UGT2B17: variants seen among roughly 807,000 people sequenced by gnomAD.
UGT2B17 encodes the protein UDP glucuronosyltransferase family 2 member B17, also known as UDP-glucuronosyltransferase 2B17.
UGT2B17 carries 21 observed loss-of-function variants against 48.2 expected under a neutral mutation model. The observed-to-expected ratio is 0.44, with a 90% confidence interval of 0.31 to 0.63. The LOEUF (loss-of-function observed/expected upper bound fraction) is 0.63, where lower values mean the gene tolerates loss of function less well. UGT2B17 is among the 20% of genes least tolerant of loss of function. The pLI is 0.08. For missense variants in UGT2B17, 402 were observed against 696.1 expected, an observed-to-expected ratio of 0.58 and a Z score of 4.75; for synonymous variants, 146 against 238.4, an observed-to-expected ratio of 0.61 and a Z score of 3.57.
chr4:68,544,678 C>T (rs147808572), intron 6 of UGT2B17, among the ~76,000 whole-genome samples: 1 of 125,460 alleles, frequency 8.0e-6, no homozygotes, highest in African/African-American at 2.7e-5. Context: ...AGACCCATCA[C>T]TGTGCTGTAT....
Position 68,541,892 on chromosome 4 carries a change from TA to T in UGT2B17, c.1314-3989del, listed in dbSNP as rs1168082278. On this transcript the variant is annotated intron_variant, in intron 6 of 6. Transcript: ENST00000317746. ...AGCCAGTTTCCCCAGCACCATTTAT[TA>T]AATAGGGAATCCTTTCCCATTGCTT... Among the ~76,000 whole-genome samples, 2 of 126,938 alleles carry T rather than the reference TA, an allele frequency of 1.6e-5. 1 individual carries two copies. The highest frequency in any genetic ancestry group is 5.4e-5 in the African/African-American group (2 of 37,116). The allele number at this position is 126,938 out of a possible 152,430, so 83.3% of individuals were successfully genotyped here. A position where few individuals can be genotyped will look rare whatever the true frequency, so the allele number is the denominator to read the frequency against.
chr4:68,546,239 G>T lies in UGT2B17; in HGVS notation c.1313+4438C>A. On this transcript the variant is annotated intron_variant, in intron 6 of 6. Coordinates refer to ENST00000317746, the MANE Select transcript of UGT2B17 (RefSeq NM_001077.4). ...AAGCTTATCCACCTTGACCAAGTGGGCTTCATCCCTGGGATGCAAGGCTAG... is the reference window on the plus strand; with the variant it reads ...AAGCTTATCCACCTTGACCAAGTGGTCTTCATCCCTGGGATGCAAGGCTAG... Among the ~76,000 whole-genome samples, 2 of 125,830 alleles carry T rather than the reference G, an allele frequency of 1.6e-5. 1 individual carries two copies. The highest frequency in any genetic ancestry group is 1.6e-4 in the Admixed American group (2 of 12,298). 82.5% of individuals were successfully genotyped at this position (125,830 alleles called of 152,430 possible).
chr4:68,575,188 C>CTT (rs559097531), intron 1 of UGT2B17, among the ~76,000 whole-genome samples: 2,656 of 81,856 alleles, frequency 0.032, 380 homozygotes, highest in African/African-American at 0.11. Context: ...TATAGATGGC[C>CTT]TTTTTTTTTT....
rs1287400747 is a variant in UGT2B17 at position 68,567,843 on chromosome 4, AT to A, written c.641del (p.Asn214IlefsTer2). 7.3e-7 allele frequency: 1 copy of A among 1,375,646 alleles called. No individual in the cohort carries two copies. Among genetic ancestry groups the A allele is most frequent in the Non-Finnish European group, 9.5e-7 (1 of 1,053,476 alleles). The allele number at this position is 1,375,646 out of a possible 1,614,324, so 85.2% of individuals were successfully genotyped here. A position where few individuals can be genotyped will look rare whatever the true frequency, so the allele number is the denominator to read the frequency against. Reference protein sequence around the residue: ...DQMIFMERIKNMIYMLYFDFW... With the variant: ...DQMIFMERIKXMIYMLYFDFW... ...AGTCAAAATAAAGCATATATATCAT[AT>A]TTTTTATCCTCTCCATGAAAATCAT... On this transcript the variant is annotated frameshift_variant, in exon 2 of 7. Coordinates refer to ENST00000317746, the MANE Select transcript of UGT2B17 (RefSeq NM_001077.4). LOFTEE classifies it high-confidence loss of function.
In UGT2B17 at chr4:68,540,083, G is replaced by C. The variant is rs1214264931; in HGVS notation, c.1314-2179C>G. Reference sequence around the variant, plus strand: ...TTACAGGTGTGAGCCACCACACCCAGTCTCCATAAACTCTTTTAAAAATGT... The same window carrying C: ...TTACAGGTGTGAGCCACCACACCCACTCTCCATAAACTCTTTTAAAAATGT... On this transcript the variant is annotated intron_variant, in intron 6 of 6. Coordinates refer to ENST00000317746, the MANE Select transcript of UGT2B17 (RefSeq NM_001077.4). Among the ~76,000 whole-genome samples the C allele has an allele frequency of 7.3e-5, 9 of 123,804 alleles. 3 individuals carry two copies. Among genetic ancestry groups the C allele is most frequent in the African/African-American group, 1.9e-4 (7 of 36,210 alleles). The allele number at this position is 123,804 out of a possible 152,430, so 81.2% of individuals were successfully genotyped here. A position where few individuals can be genotyped will look rare whatever the true frequency, so the allele number is the denominator to read the frequency against.
In UGT2B17 at chr4:68,573,897, G is replaced by A. The variant is rs542099287; in HGVS notation, c.-65+2054C>T. ...GAGAGACAGAAGCTGGATGGCCCTTGGGGGCTGACTGGCAGGGACTTCAGG... is the reference window on the plus strand; with the variant it reads ...GAGAGACAGAAGCTGGATGGCCCTTAGGGGCTGACTGGCAGGGACTTCAGG... On this transcript the variant is annotated intron_variant, in intron 1 of 6. Coordinates refer to ENST00000317746, the MANE Select transcript of UGT2B17 (RefSeq NM_001077.4). 1.8e-3 allele frequency among the ~76,000 whole-genome samples: 223 copies of A among 126,574 alleles called. 50 individuals carry two copies. Among genetic ancestry groups the A allele is most frequent in the African/African-American group, 5.7e-3 (209 of 36,922 alleles). The allele number at this position is 126,574 out of a possible 152,430, so 83.0% of individuals were successfully genotyped here.
At chr4:68,575,343 G>T (rs1386949988) in intron 1 of UGT2B17, among the ~76,000 whole-genome samples, 2 of 122,876 alleles carry the variant, frequency 1.6e-5, no homozygotes, top group Admixed American at 1.7e-4. Context: ...TTGGCTTACA[G>T]GTTACCTTGT....
chr4:68,541,092 G>C (rs1730647115), intron 6 of UGT2B17, among the ~76,000 whole-genome samples: 1 of 125,908 alleles, frequency 7.9e-6, no homozygotes, highest in Non-Finnish European at 1.7e-5. Flanking sequence ...ATTGTAGATA[G>C]TGCTGCAATA....
rs878896244 is a variant in UGT2B17 at position 68,557,488 on chromosome 4, T to A, written c.1005+3049A>T. 6.4e-5 allele frequency among the ~76,000 whole-genome samples: 8 copies of A among 124,752 alleles called. 1 individual carries two copies. The highest frequency in any genetic ancestry group is 1.2e-4 in the Non-Finnish European group (7 of 59,024). The allele number at this position is 124,752 out of a possible 152,430, so 81.8% of individuals were successfully genotyped here. The stretch of plus-strand genomic sequence containing the variant: ...TAATAGAAAACTAAAGTAATCTTTT[T>A]GACTTTGCTTAAAACATTGCTGATC... On this transcript the variant is annotated intron_variant, in intron 4 of 6. Coordinates refer to ENST00000317746, the MANE Select transcript of UGT2B17 (RefSeq NM_001077.4).
intron 3 of UGT2B17, among the ~76,000 whole-genome samples, chr4:68,564,992 G>A (rs749831976): frequency 7.9e-6 from 1 of 126,072 alleles, no homozygotes; most frequent in Non-Finnish European, 1.7e-5. Flanking sequence ...ATAGGTGTGA[G>A]CCACCTTGCC....
At position 68,544,307 on chromosome 4, in the gene UGT2B17, C is replaced by T. The variant is rs1314241374; in HGVS notation, c.1313+6370G>A. Among the ~76,000 whole-genome samples the T allele has an allele frequency of 2.3e-4, 29 of 126,034 alleles. 8 individuals carry two copies. Among genetic ancestry groups the T allele is most frequent in the Admixed American group, 2.2e-3 (27 of 12,356 alleles). 82.7% of individuals were successfully genotyped at this position (126,034 alleles called of 152,430 possible). On this transcript the variant is annotated intron_variant, in intron 6 of 6. Transcript: ENST00000317746. ...ATTCTTAAAGAAAAGAATCTTCAACCCAGAATTTCATATCCAGCCAAACTA... is the reference window on the plus strand; with the variant it reads ...ATTCTTAAAGAAAAGAATCTTCAACTCAGAATTTCATATCCAGCCAAACTA...
In UGT2B17 at chr4:68,545,571, A is replaced by G. The variant is rs1321642687; in HGVS notation, c.1313+5106T>C. 1.0e-4 allele frequency among the ~76,000 whole-genome samples: 13 copies of G among 125,612 alleles called. 2 individuals are homozygous for G. The highest frequency in any genetic ancestry group is 3.3e-4 in the African/African-American group (12 of 36,648). The allele number at this position is 125,612 out of a possible 152,430, so 82.4% of individuals were successfully genotyped here. ...CTAGCAGAAGGCAAGAAATAACTAA[A>G]ATCAGAGCAGAACTGAAGGAAATAG... On this transcript the variant is annotated intron_variant, in intron 6 of 6. Coordinates refer to ENST00000317746, the MANE Select transcript of UGT2B17 (RefSeq NM_001077.4).
intron 1 of UGT2B17, among the ~76,000 whole-genome samples, chr4:68,574,417 A>T (rs1262968333): frequency 1.6e-5 from 2 of 126,882 alleles, no homozygotes; most frequent in African/African-American, 5.4e-5. Context: ...AAGATTTTAT[A>T]GACTCTGTTT....
At chr4:68,570,276 G>A (rs1461170970) in intron 1 of UGT2B17, among the ~76,000 whole-genome samples, 1 of 127,360 alleles carries the variant, frequency 7.9e-6, no homozygotes, top group Non-Finnish European at 1.7e-5. Flanking sequence ...GTGGGTATGT[G>A]ACAGGTGCTG....
chr4:68,550,818 A>C lies in UGT2B17; in HGVS notation c.1172T>G (p.Met391Arg). 7.2e-7 allele frequency: 1 copy of C among 1,385,060 alleles called. No homozygotes were observed. Among genetic ancestry groups the C allele is most frequent in the Non-Finnish European group, 9.4e-7 (1 of 1,060,734 alleles). 85.8% of individuals were successfully genotyped at this position (1,385,060 alleles called of 1,614,324 possible). ...ATCCGCAAACAAGGGAATGCCCACC[A>C]TAGGGATCCCATGGTAGATTGCCTC... ...IYEAIYHGIP[M>R]VGIPLFADQH... The change falls in exon 6 of 7, where the codon ATG becomes AGG. Residue 391 changes from methionine to arginine, a missense_variant. Physicochemically the swap from Met to Arg is moderately conservative, Grantham distance 91. Around this residue, in one of 5 missense-constraint regions of UGT2B17, gnomAD observed 156 missense variants for 258.6 expected, o/e 0.60. Transcript: ENST00000317746.
rs374496520 is a variant in UGT2B17 at position 68,537,784 on chromosome 4, C to T, written c.1434G>A (p.Arg478=). The part of the protein sequence containing the change: ...VMRHKGAKHL[R]VAAHNLTWIQ... ...TCCAGGTGAGGTTGTGGGCTGCGAC[C>T]CGAAGGTGCTTGGCTCCTTTATGGC... The change falls in exon 7 of 7, where the codon CGG becomes CGA. Residue 478 remains arginine (R), a synonymous_variant. Transcript: ENST00000317746. The T allele has an allele frequency of 8.7e-6, 12 of 1,379,414 alleles. 4 individuals carry two copies. The highest frequency in any genetic ancestry group is 4.7e-6 in the Non-Finnish European group (5 of 1,054,940). 85.4% of individuals were successfully genotyped at this position (1,379,414 alleles called of 1,614,324 possible).
intron 6 of UGT2B17, among the ~76,000 whole-genome samples, chr4:68,545,424 A>G (rs1730780648): frequency 8.0e-6 from 1 of 125,374 alleles, no homozygotes; most frequent in African/African-American, 2.7e-5. Context: ...CATTCAAAGC[A>G]GTGTGTAGAT....
chr4:68,554,350 T>C (rs1200481263), intron 4 of UGT2B17, among the ~76,000 whole-genome samples: 1 of 126,612 alleles, frequency 7.9e-6, no homozygotes, highest in Non-Finnish European at 1.7e-5. Context: ...TTATGTAAAA[T>C]GAAGGTAATA....
chr4:68,549,409 T>A (rs1322195255), intron 6 of UGT2B17, among the ~76,000 whole-genome samples: 1 of 122,886 alleles, frequency 8.1e-6, no homozygotes, highest in Non-Finnish European at 1.7e-5. Flanking sequence ...GTATATTTGA[T>A]AAGGGATAGT....
Sources: allele counts gnomAD v4.1 joint callset (sites outside exome capture counted in the v4.1 genomes callset), GRCh38; gene constraint gnomAD v4.1.1; regional missense constraint gnomAD v4.1.1; transcripts MANE v1.5; gene names NCBI Gene and HGNC (gene_info 2026-07-23, HGNC 2026-07-21).